Variants in DCLRE1A observed in about 807,000 individuals in gnomAD.
DCLRE1A encodes the protein DNA cross-link repair 1A, also known as DNA cross-link repair 1A protein.
Under a neutral mutation model 91.9 loss-of-function variants are expected in DCLRE1A, and 64 were observed. The observed-to-expected ratio is 0.70, with a 90% CI of 0.57 to 0.86. The LOEUF is 0.86. Ranked by LOEUF, DCLRE1A falls within the 40% of genes least tolerant of loss-of-function variation. DCLRE1A has a pLI of 0.00. For synonymous variants in DCLRE1A, 416 were observed against 431.1 expected, an observed-to-expected ratio of 0.96 and a Z score of 0.43; for missense variants, 1,145 against 1,213.3, an observed-to-expected ratio of 0.94 and a Z score of 0.84.
In DCLRE1A at chr10:113,841,423, T is replaced by G; in HGVS notation, c.2803A>C (p.Met935Leu). The G allele has an allele frequency of 6.2e-7, 1 of 1,612,722 alleles. No homozygotes were observed. Among genetic ancestry groups the G allele is most frequent in the Non-Finnish European group, 8.5e-7 (1 of 1,179,512 alleles). The change falls in exon 7 of 9, where the codon ATG (methionine) becomes CTG (leucine). Residue 935 changes from methionine (M) to leucine (L), a missense_variant. By Grantham distance (15) the Met-to-Leu change is conservative. Transcript: ENST00000361384. ...CSSLVHLLPM[M>L]QINFKGLQSH... ...ATGCTTACCTTAAAATTAATTTGCA[T>G]CATTGGGAGAAGGTGAACCAATGAA...
At chr10:113,848,846 T>G (rs914158110) in intron 2 of DCLRE1A, 134 bp downstream of exon 2, 3 of 834,044 alleles carry the variant, frequency 3.6e-6, no homozygotes, top group Non-Finnish European at 5.7e-6. Flanking sequence ...TAGAGGCTCA[T>G]GAAGTATCAC....
chr10:113,839,169 G>T (rs200461781), intron 7 of DCLRE1A, among the ~76,000 whole-genome samples: 2 of 151,476 alleles, frequency 1.3e-5, no homozygotes, highest in East Asian at 1.9e-4. Context: ...ACTAAAAATA[G>T]AAAAAATTAG....
chr10:113,846,298 A>G (rs1845536445), intron 3 of DCLRE1A, among the ~76,000 whole-genome samples: 1 of 152,122 alleles, frequency 6.6e-6, no homozygotes, highest in African/African-American at 2.4e-5. Context: ...AACTTCTCCA[A>G]ACCCCAGGTG....
At position 113,848,997 on chromosome 10, in the gene DCLRE1A, A is replaced by T. The variant is rs776808486; in HGVS notation, c.2108T>A (p.Phe703Tyr). 1 of 1,612,736 alleles carries T rather than the reference A, an allele frequency of 6.2e-7. No homozygotes were observed. The highest frequency in any genetic ancestry group is 1.1e-5 in the South Asian group (1 of 90,828). The part of the protein sequence containing the change: ...VGGSRKKTCP[F>Y]YKKIPGTGFT... ...CAACTTACCAGGTATTTTCTTATAGAATGGACATGTCTTTTTTCTTGATCC... is the reference window on the plus strand; with the variant it reads ...CAACTTACCAGGTATTTTCTTATAGTATGGACATGTCTTTTTTCTTGATCC... Residue 703 changes from phenylalanine (F) to tyrosine (Y), a missense_variant, in exon 2 of 9, where the codon TTC becomes TAC. By Grantham distance (22) the Phe-to-Tyr change is conservative. Coordinates refer to ENST00000361384, the MANE Select transcript of DCLRE1A (RefSeq NM_014881.5).
At chr10:113,846,710 T>G (rs756824734) in intron 3 of DCLRE1A, among the ~76,000 whole-genome samples, 3 of 152,244 alleles carry the variant, frequency 2.0e-5, no homozygotes, top group Non-Finnish European at 4.4e-5. Context: ...ATATAACCTA[T>G]GCATATCCTC....
Sources: gnomAD v4.1 joint callset for allele counts (sites outside exome capture counted in the v4.1 genomes callset) on GRCh38, gnomAD v4.1.1 for gene constraint, MANE v1.5 for transcripts, NCBI Gene and HGNC (gene_info 2026-07-23, HGNC 2026-07-21) for gene names.